The following PTPRD variants were observed in gnomAD, a reference collection of about 807,000 sequenced individuals.
The protein encoded by PTPRD is protein tyrosine phosphatase receptor type D.
PTPRD carries 34 observed loss-of-function variants against 214.5 expected under a neutral mutation model. That is an observed-to-expected ratio of 0.16 (90% CI 0.12 to 0.21). The LOEUF is 0.21. Ranked by LOEUF, PTPRD falls within the 10% of genes least tolerant of loss-of-function variation. The pLI, the probability that PTPRD is intolerant of heterozygous loss-of-function variation, is 1.00. For missense variants in PTPRD, 2,545 were observed against 2,398.7 expected, an observed-to-expected ratio of 1.06 and a Z score of -1.27; for synonymous variants, 1,128 against 845.7, an observed-to-expected ratio of 1.33 and a Z score of -5.79.
At chr9:10,236,192 G>A (rs556477859) in intron 3 of PTPRD, among the ~76,000 whole-genome samples, 2 of 152,004 alleles carry the variant, frequency 1.3e-5, no homozygotes, top group South Asian at 2.1e-4. Context: ...TTCTAGCCAG[G>A]AAGCTAAGTC....
chr9:9,732,856 G>C (rs556092895), intron 7 of PTPRD, among the ~76,000 whole-genome samples: 2 of 152,116 alleles, frequency 1.3e-5, no homozygotes, highest in Non-Finnish European at 2.9e-5. Context: ...GGCTGAGGTA[G>C]GAGGATTTCT....
intron 10 of PTPRD, among the ~76,000 whole-genome samples, chr9:9,105,145 T>G (rs2099796722): frequency 6.6e-6 from 1 of 152,198 alleles, no homozygotes; most frequent in Non-Finnish European, 1.5e-5. Flanking sequence ...TAATAATAAC[T>G]TCTTTGAATT....
At chr9:8,629,518 C>T (rs2096175935) in intron 14 of PTPRD, among the ~76,000 whole-genome samples, 1 of 151,786 alleles carries the variant, frequency 6.6e-6, no homozygotes, top group Non-Finnish European at 1.5e-5. Flanking sequence ...CTCTCTGGTC[C>T]TATGCTTGCT....
intron 11 of PTPRD, among the ~76,000 whole-genome samples, chr9:8,893,520 G>A (rs150525057): frequency 2.4e-4 from 37 of 152,266 alleles, no homozygotes; most frequent in African/African-American, 7.9e-4. Context: ...CCAACAATCC[G>A]CAAGCAAACA....
intron 7 of PTPRD, among the ~76,000 whole-genome samples, chr9:9,585,623 G>A (rs923624577): frequency 6.6e-6 from 1 of 151,904 alleles, no homozygotes; most frequent in African/African-American, 2.4e-5. Context: ...AACCTAAAAG[G>A]CTAGTCATTA....
intron 12 of PTPRD, among the ~76,000 whole-genome samples, chr9:8,689,635 A>G (rs1434586748): frequency 6.6e-6 from 1 of 152,154 alleles, no homozygotes; most frequent in African/African-American, 2.4e-5. Context: ...ATTATCTCCC[A>G]TTGGGTCCCT....
At chr9:9,347,706 A>G (rs544943483) in intron 9 of PTPRD, among the ~76,000 whole-genome samples, 15 of 152,188 alleles carry the variant, frequency 9.9e-5, no homozygotes, top group East Asian at 1.9e-4. Context: ...TTCATGGTAC[A>G]TCTACATTCC....
intron 2 of PTPRD, among the ~76,000 whole-genome samples, chr9:10,596,807 TTAA>T (rs1428295491): frequency 6.6e-6 from 1 of 151,600 alleles, no homozygotes; most frequent in Admixed American, 6.6e-5. Flanking sequence ...TTCATAGTTG[TTAA>T]TAATATCTGC....
intron 34 of PTPRD, among the ~76,000 whole-genome samples, chr9:8,440,859 A>T (rs543697239): frequency 6.6e-6 from 1 of 152,328 alleles, no homozygotes; most frequent in Non-Finnish European, 1.5e-5. Context: ...GGCACCTTAG[A>T]GATGACTTAG....
chr9:10,206,541 C>T (rs2099481413), intron 3 of PTPRD, among the ~76,000 whole-genome samples: 1 of 152,136 alleles, frequency 6.6e-6, no homozygotes, highest in Non-Finnish European at 1.5e-5. Flanking sequence ...CTTTGAAAAA[C>T]TACTGGATGT....
chr9:9,675,633 A>G (rs1417268982), intron 7 of PTPRD, among the ~76,000 whole-genome samples: 2 of 151,960 alleles, frequency 1.3e-5, no homozygotes, highest in African/African-American at 4.8e-5. Context: ...AAAACAGATG[A>G]AAAAATAAAG....
chr9:9,271,418 C>T (rs1262751084), intron 9 of PTPRD, among the ~76,000 whole-genome samples: 2 of 151,160 alleles, frequency 1.3e-5, no homozygotes, highest in Non-Finnish European at 3.0e-5. Context: ...CCAAAAATCC[C>T]CCATTTCATT....
chr9:10,382,193 C>G (rs2097840305), intron 2 of PTPRD, among the ~76,000 whole-genome samples: 1 of 151,916 alleles, frequency 6.6e-6, no homozygotes, highest in Non-Finnish European at 1.5e-5. Flanking sequence ...TAATAGCTGA[C>G]TCTGTCATTT....
At chr9:8,327,823 A>C (rs575187275) in intron 44 of PTPRD, among the ~76,000 whole-genome samples, 12 of 152,158 alleles carry the variant, frequency 7.9e-5, no homozygotes, top group African/African-American at 2.9e-4. Flanking sequence ...TTTATCAGAG[A>C]CTAGGATTGT....
chr9:9,387,733 G>A (rs115823486), intron 9 of PTPRD, among the ~76,000 whole-genome samples: 23 of 152,134 alleles, frequency 1.5e-4, no homozygotes, highest in Non-Finnish European at 3.1e-4. Flanking sequence ...CCTATGGGAT[G>A]GGGGCATGGC....
At chr9:9,240,000 C>T (rs1031963271) in intron 9 of PTPRD, among the ~76,000 whole-genome samples, 2 of 152,114 alleles carry the variant, frequency 1.3e-5, no homozygotes, top group Admixed American at 6.6e-5. Flanking sequence ...CTAGCTAACA[C>T]AGATTTGGAT....
intron 2 of PTPRD, among the ~76,000 whole-genome samples, 179 bp downstream of exon 2, chr9:10,612,219 A>AAAAG (rs1555626875): frequency 6.3e-4 from 96 of 151,646 alleles, no homozygotes; most frequent in Non-Finnish European, 1.1e-3. Context: ...AAAAAAAAAA[A>AAAAG]AAAAAGAAAA....
chr9:9,182,659 G>A (rs2099928879), intron 10 of PTPRD, among the ~76,000 whole-genome samples: 1 of 151,942 alleles, frequency 6.6e-6, no homozygotes, highest in African/African-American at 2.4e-5. Flanking sequence ...TAAACAAAAA[G>A]TATTATTATG....
intron 4 of PTPRD, among the ~76,000 whole-genome samples, chr9:9,942,100 C>T (rs1218078851): frequency 1.3e-5 from 2 of 152,128 alleles, no homozygotes; most frequent in South Asian, 2.1e-4. Context: ...CAAAATATTA[C>T]TCTCACACTT....
Sources: allele counts gnomAD v4.1 joint callset (sites outside exome capture counted in the v4.1 genomes callset), GRCh38; gene constraint gnomAD v4.1.1; transcripts MANE v1.5; gene names NCBI Gene and HGNC (gene_info 2026-07-23, HGNC 2026-07-21).